The following ZFHX3 variants were observed in gnomAD, a reference collection of about 807,000 sequenced individuals.
ZFHX3 encodes the protein zinc finger homeobox protein 3.
ZFHX3 carries 42 observed loss-of-function variants against 279.1 expected under a neutral mutation model. That is an observed-to-expected ratio of 0.15 (90% CI 0.12 to 0.19). The LOEUF is 0.19. Ranked by LOEUF, ZFHX3 falls within the 10% of genes least tolerant of loss-of-function variation. The pLI is 1.00. For missense variants in ZFHX3, 4,981 were observed against 4,754.0 expected (o/e 1.05, Z -1.40); for synonymous variants, 2,293 against 1,957.8 (o/e 1.17, Z -4.52).
At chr16:73,599,769 C>A (rs1198002816) in intron 2 of ZFHX3, among the ~76,000 whole-genome samples, 1 of 151,080 alleles carries the variant, frequency 6.6e-6, no homozygotes, top group Non-Finnish European at 1.5e-5. Context: ...CCTTTAACAG[C>A]CCACTGGTGA....
At chr16:73,009,982 C>T (rs1433713346) in intron 1 of ZFHX3, among the ~76,000 whole-genome samples, 1 of 149,062 alleles carries the variant, frequency 6.7e-6, no homozygotes, top group Non-Finnish European at 1.5e-5. Context: ...GATTGCATCA[C>T]TGCACTCCAG....
intron 1 of ZFHX3, among the ~76,000 whole-genome samples, chr16:73,684,604 T>C (rs1233721131): frequency 6.6e-6 from 1 of 152,158 alleles, no homozygotes; most frequent in Non-Finnish European, 1.5e-5. Flanking sequence ...GATTTAAGGT[T>C]GCAGATGGAA....
intron 1 of ZFHX3, among the ~76,000 whole-genome samples, chr16:73,811,259 G>A (rs938285806): frequency 6.6e-6 from 1 of 152,086 alleles, no homozygotes; most frequent in Non-Finnish European, 1.5e-5. Context: ...CTGAATTAGA[G>A]CCCTCCATTT....
chr16:73,422,438 C>T (rs886917263), intron 3 of ZFHX3, among the ~76,000 whole-genome samples: 1 of 152,182 alleles, frequency 6.6e-6, no homozygotes, highest in African/African-American at 2.4e-5. Flanking sequence ...CCCTGTCTAT[C>T]CATTTCACAG....
At chr16:73,474,747 A>G (rs921707835) in intron 2 of ZFHX3, among the ~76,000 whole-genome samples, 4 of 152,152 alleles carry the variant, frequency 2.6e-5, no homozygotes, top group African/African-American at 9.7e-5. Context: ...GTCTCATTCC[A>G]TTTTGCACAT....
intron 3 of ZFHX3, among the ~76,000 whole-genome samples, chr16:73,321,398 G>T (rs2015571761): frequency 6.6e-6 from 1 of 152,090 alleles, no homozygotes; most frequent in South Asian, 2.1e-4. Context: ...GACCTCCTCA[G>T]GTTGTTGGGA....
At chr16:73,201,828 C>T (rs1214246704) in intron 5 of ZFHX3, among the ~76,000 whole-genome samples, 2 of 152,174 alleles carry the variant, frequency 1.3e-5, no homozygotes, top group Admixed American at 6.5e-5. Flanking sequence ...CAATACCAAA[C>T]AAAGAGCTAG....
chr16:73,656,624 T>A (rs1435741515), intron 2 of ZFHX3, among the ~76,000 whole-genome samples: 1 of 152,182 alleles, frequency 6.6e-6, no homozygotes, highest in Non-Finnish European at 1.5e-5. Context: ...GTGTTTTACA[T>A]AATTTTCTGG....
At chr16:73,686,962 G>C (rs2142202437) in intron 1 of ZFHX3, among the ~76,000 whole-genome samples, 1 of 133,672 alleles carries the variant, frequency 7.5e-6, no homozygotes, top group African/African-American at 2.8e-5. Flanking sequence ...AGCTTAACCG[G>C]TAGCACCACC....
intron 4 of ZFHX3, among the ~76,000 whole-genome samples, chr16:72,867,221 C>G (rs1315341438): frequency 1.3e-5 from 2 of 152,156 alleles, no homozygotes; most frequent in Non-Finnish European, 2.9e-5. Context: ...AGCATTAATT[C>G]TACTCCACCA....
At chr16:73,098,485 C>T (rs1390106117) in intron 7 of ZFHX3, among the ~76,000 whole-genome samples, 1 of 152,180 alleles carries the variant, frequency 6.6e-6, no homozygotes, top group Non-Finnish European at 1.5e-5. Context: ...CCTCAGCTTC[C>T]TGAGTAGCTG....
intron 1 of ZFHX3, among the ~76,000 whole-genome samples, chr16:73,767,764 C>A (rs148081484): frequency 2.0e-5 from 3 of 152,026 alleles, no homozygotes; most frequent in African/African-American, 7.2e-5. Context: ...ATGTGATCTG[C>A]GATGGGAGAC....
At chr16:73,064,776 C>T (rs1471166764) in intron 8 of ZFHX3, among the ~76,000 whole-genome samples, 2 of 152,166 alleles carry the variant, frequency 1.3e-5, no homozygotes, top group Non-Finnish European at 2.9e-5. Context: ...AGTCAGATTC[C>T]CAGTTTCCTC....
chr16:72,784,134 C>T lies in ZFHX3; in HGVS notation c.*3030G>A, dbSNP rs561752320. The T allele has an allele frequency of 6.6e-6, 1 of 152,608 alleles. No individual in the cohort carries two copies. The highest frequency in any genetic ancestry group is 2.1e-4 in the South Asian group (1 of 4,812). The allele number at this position is 152,608 out of a possible 1,614,324, so 9.5% of individuals were successfully genotyped here. A position where few individuals can be genotyped will look rare whatever the true frequency, so the allele number is the denominator to read the frequency against. On this transcript the variant is annotated 3_prime_UTR_variant, in exon 10 of 10. Transcript: ENST00000268489. ...AGAACACTAGGTGGGTGGAAGTGTG[C>T]TCAGCCAATCTATTCAACCACCTTA...
At chr16:73,013,433 G>A (rs1470462029) in intron 1 of ZFHX3, among the ~76,000 whole-genome samples, 1 of 152,016 alleles carries the variant, frequency 6.6e-6, no homozygotes, top group Non-Finnish European at 1.5e-5. Context: ...GACCACAGGC[G>A]TGTGCCACCA....
At chr16:73,023,175 T>G (rs983290066) in intron 1 of ZFHX3, among the ~76,000 whole-genome samples, 1 of 152,212 alleles carries the variant, frequency 6.6e-6, no homozygotes, top group Non-Finnish European at 1.5e-5. Context: ...TGCAGTGAGC[T>G]GAGATCGCAC....
Position 72,795,074 on chromosome 16 carries a change from C to A in ZFHX3, c.7608G>T (p.Lys2536Asn). ...QLIPYQCDQC[K>N]LAFPSFEHWQ... The stretch of plus-strand genomic sequence containing the variant: ...AGTGCTCAAATGACGGAAATGCCAA[C>A]TTACACTGGTCACACTGGTAGGGGA... Residue 2536 changes from lysine (K) to asparagine (N), a missense_variant, in exon 9 of 10, where the codon AAG becomes AAT. Coordinates refer to ENST00000268489, the MANE Select transcript of ZFHX3 (RefSeq NM_006885.4). 2 of 1,614,102 alleles carry A rather than the reference C, an allele frequency of 1.2e-6. No individual in the cohort carries two copies. The highest frequency in any genetic ancestry group is 1.7e-6 in the Non-Finnish European group (2 of 1,180,038).
In ZFHX3 at chr16:73,328,830, T is replaced by C. The variant is rs571962829; in HGVS notation, c.-1290-10494A>G. Among the ~76,000 whole-genome samples the C allele has an allele frequency of 2.0e-5, 3 of 152,314 alleles. No individual in the cohort carries two copies. In the East Asian group the frequency reaches 5.8e-4, roughly 29 times the overall value. On this transcript the variant is annotated intron_variant, in intron 3 of 17. Coordinates refer to the ZFHX3 transcript ENST00000641206. The stretch of plus-strand genomic sequence containing the variant: ...TTGAAACAGACTAACAAGGGATAGG[T>C]TGAAAGCAAATATAAGTAAGCAGAT...
intron 4 of ZFHX3, among the ~76,000 whole-genome samples, chr16:72,833,055 A>C (rs2037102831): frequency 6.6e-6 from 1 of 152,254 alleles, no homozygotes; most frequent in South Asian, 2.1e-4. Context: ...TTGTCTGGAC[A>C]GCTCAGGCCC....
Sources: gnomAD v4.1 joint callset for allele counts (sites outside exome capture counted in the v4.1 genomes callset) on GRCh38, gnomAD v4.1.1 for gene constraint, MANE v1.5 for transcripts, NCBI Gene and HGNC (gene_info 2026-07-23, HGNC 2026-07-21) for gene names.